The following HCN1 variants were observed in gnomAD, a reference collection of about 807,000 sequenced individuals.
HCN1 encodes the protein hyperpolarization activated cyclic nucleotide gated potassium channel 1, also known as potassium/sodium hyperpolarization-activated cyclic nucleotide-gated channel 1.
HCN1 carries 13 observed loss-of-function variants against 78.9 expected under a neutral mutation model. The observed-to-expected ratio is 0.16, with a 90% CI of 0.11 to 0.26. The LOEUF is 0.26. Among genes scored for constraint, HCN1 ranks in the 10% least tolerant of loss-of-function variants. HCN1 has a pLI of 1.00. For missense variants in HCN1, 810 were observed against 1,154.3 expected (o/e 0.70, Z 4.32); for synonymous variants, 552 against 455.5 (o/e 1.21, Z -2.70).
chr5:45,666,213 C>T (rs1338725243), intron 1 of HCN1, among the ~76,000 whole-genome samples: 1 of 151,942 alleles, frequency 6.6e-6, no homozygotes, highest in Non-Finnish European at 1.5e-5. Flanking sequence ...GAGGGGGTGG[C>T]AAACCGGGAA....
chr5:45,441,841 G>A (rs1283004072), intron 3 of HCN1, among the ~76,000 whole-genome samples: 1 of 152,120 alleles, frequency 6.6e-6, no homozygotes, highest in Non-Finnish European at 1.5e-5. Context: ...TAGGTAACAT[G>A]AGAATTGAAG....
intron 2 of HCN1, among the ~76,000 whole-genome samples, chr5:45,564,265 T>G (rs1579971938): frequency 7.3e-6 from 1 of 136,710 alleles, no homozygotes; most frequent in African/African-American, 2.7e-5. Context: ...TTTAGGAAGC[T>G]TTTTTTTTTT....
At chr5:45,363,325 T>A (rs1161813664) in intron 4 of HCN1, among the ~76,000 whole-genome samples, 1 of 151,416 alleles carries the variant, frequency 6.6e-6, no homozygotes, top group Non-Finnish European at 1.5e-5. Context: ...TCTAGAAAAC[T>A]TGCTCAGCTC....
At chr5:45,529,255 G>C (rs1237738451) in intron 2 of HCN1, among the ~76,000 whole-genome samples, 1 of 151,916 alleles carries the variant, frequency 6.6e-6, no homozygotes, top group Non-Finnish European at 1.5e-5. Flanking sequence ...AGAATACACT[G>C]TCTCCCTCCC....
At chr5:45,273,407 T>A (rs1744996283) in intron 6 of HCN1, among the ~76,000 whole-genome samples, 1 of 152,096 alleles carries the variant, frequency 6.6e-6, no homozygotes, top group South Asian at 2.1e-4. Context: ...TAACCCTGAT[T>A]ATAAACATTT....
At chr5:45,671,595 T>C (rs1580040025) in intron 1 of HCN1, among the ~76,000 whole-genome samples, 1 of 151,378 alleles carries the variant, frequency 6.6e-6, no homozygotes, top group Non-Finnish European at 1.5e-5. Flanking sequence ...TGAGGACTTA[T>C]CACTTTGATG....
rs746453898 is a variant in HCN1, at chr5:45,396,501, A to T, written c.1221T>A (p.Tyr407Ter). Reference protein sequence around the residue: ...IQSLDSSRRQYQEKYKQVEQY... With the variant: ...IQSLDSSRRQ ...AAATAAAACAAATTACCTTCTCTTG[A>T]TACTGCCGCCTCGAAGAATCCAGAG... Residue 407 changes from tyrosine to a stop codon, truncating the protein, a stop_gained, in exon 4 of 8, where the codon TAT becomes TAA. Coordinates refer to ENST00000303230, the MANE Select transcript of HCN1 (RefSeq NM_021072.4). LOFTEE classifies it high-confidence loss of function. 6.2e-7 allele frequency: 1 copy of T among 1,613,250 alleles called. No individual in the cohort carries two copies. Among genetic ancestry groups the T allele is most frequent in the Non-Finnish European group, 8.5e-7 (1 of 1,179,656 alleles).
chr5:45,375,241 A>C (rs1168208437), intron 4 of HCN1, among the ~76,000 whole-genome samples: 1 of 116,652 alleles, frequency 8.6e-6, no homozygotes, highest in Non-Finnish European at 1.6e-5. Context: ...AATATATAAT[A>C]TATTATACAT....
At chr5:45,395,246 A>G (rs935169245) in intron 4 of HCN1, among the ~76,000 whole-genome samples, 9 of 152,158 alleles carry the variant, frequency 5.9e-5, no homozygotes, top group Middle Eastern at 3.2e-3. Context: ...ATCAGATTTA[A>G]CGTGATGTAG....
intron 5 of HCN1, among the ~76,000 whole-genome samples, chr5:45,347,087 C>A (rs1429524173): frequency 1.3e-5 from 2 of 152,186 alleles, no homozygotes; most frequent in Non-Finnish European, 2.9e-5. Flanking sequence ...GACCCCTGAT[C>A]CCCGAACAGC....
chr5:45,288,877 G>A (rs1441813895), intron 6 of HCN1, among the ~76,000 whole-genome samples: 1 of 151,896 alleles, frequency 6.6e-6, no homozygotes, highest in East Asian at 1.9e-4. Flanking sequence ...TTAGCACAGG[G>A]GGAAGGCCAC....
intron 1 of HCN1, among the ~76,000 whole-genome samples, chr5:45,668,263 C>T (rs940601766): frequency 4.6e-5 from 7 of 151,954 alleles, no homozygotes; most frequent in Admixed American, 3.9e-4. Flanking sequence ...TTGTAATCCC[C>T]GTGTGTGGAA....
At chr5:45,680,019 T>C (rs1405930169) in intron 1 of HCN1, among the ~76,000 whole-genome samples, 1 of 152,134 alleles carries the variant, frequency 6.6e-6, no homozygotes, top group Non-Finnish European at 1.5e-5. Flanking sequence ...ACAAGCATGA[T>C]AAAGTTAAAA....
intron 3 of HCN1, among the ~76,000 whole-genome samples, chr5:45,451,630 T>C (rs1470154110): frequency 2.0e-5 from 3 of 152,056 alleles, no homozygotes; most frequent in Non-Finnish European, 4.4e-5. Context: ...TACCTTTTTC[T>C]ATTATATTAT....
At chr5:45,438,999 G>A (rs1364694097) in intron 3 of HCN1, among the ~76,000 whole-genome samples, 1 of 151,946 alleles carries the variant, frequency 6.6e-6, no homozygotes, top group Non-Finnish European at 1.5e-5. Flanking sequence ...AATAAGATAG[G>A]AATACCCTTA....
chr5:45,298,634 C>T (rs1232897511), intron 6 of HCN1, among the ~76,000 whole-genome samples: 2 of 151,866 alleles, frequency 1.3e-5, no homozygotes, highest in Admixed American at 6.6e-5. Flanking sequence ...CATACTGATA[C>T]AAAAAGGATT....
At chr5:45,576,900 T>A (rs1243037370) in intron 2 of HCN1, among the ~76,000 whole-genome samples, 1 of 152,058 alleles carries the variant, frequency 6.6e-6, no homozygotes, top group Non-Finnish European at 1.5e-5. Context: ...ATCCTGAACC[T>A]AATCTTTTAT....
intron 5 of HCN1, among the ~76,000 whole-genome samples, chr5:45,346,467 C>T (rs1746712179): frequency 6.6e-6 from 1 of 152,182 alleles, no homozygotes; most frequent in South Asian, 2.1e-4. Flanking sequence ...GCATTTCCAT[C>T]TGAGGTACCG....
At chr5:45,648,682 T>C (rs1348987992) in intron 1 of HCN1, among the ~76,000 whole-genome samples, 2 of 152,098 alleles carry the variant, frequency 1.3e-5, no homozygotes, top group African/African-American at 4.8e-5. Flanking sequence ...CTCTTTACTC[T>C]CAAAATTTCT....
Sources: gnomAD v4.1 joint callset for allele counts (sites outside exome capture counted in the v4.1 genomes callset) on GRCh38, gnomAD v4.1.1 for gene constraint, MANE v1.5 for transcripts, NCBI Gene and HGNC (gene_info 2026-07-23, HGNC 2026-07-21) for gene names.